Variants in SDK1 observed in about 807,000 individuals in gnomAD.
SDK1 encodes the protein sidekick cell adhesion molecule 1.
SDK1 carries 157 observed loss-of-function variants against 245.5 expected under a neutral mutation model. The ratio of observed to expected loss-of-function variants is 0.64; its 90% confidence interval spans 0.56 to 0.73. The LOEUF (loss-of-function observed/expected upper bound fraction) is 0.73. SDK1 is among the 30% of genes least tolerant of loss of function. The pLI is 0.00. For missense variants in SDK1, 3,583 were observed against 3,002.3 expected (o/e 1.19, Z -4.52); for synonymous variants, 1,647 against 1,278.5 (o/e 1.29, Z -6.15).
intron 5 of SDK1, among the ~76,000 whole-genome samples, chr7:3,913,069 G>A (rs905782743): frequency 2.6e-5 from 4 of 152,252 alleles, no homozygotes; most frequent in Middle Eastern, 3.4e-3. Flanking sequence ...TAATGACAGG[G>A]AAAACAGTTA....
At chr7:3,797,916 A>G (rs1182173019) in intron 4 of SDK1, among the ~76,000 whole-genome samples, 5 of 152,170 alleles carry the variant, frequency 3.3e-5, no homozygotes, top group African/African-American at 1.2e-4. Context: ...GATCATTCAA[A>G]TCACTTTTTT....
chr7:3,859,002 A>G (rs910257919), intron 5 of SDK1, among the ~76,000 whole-genome samples: 2 of 150,766 alleles, frequency 1.3e-5, no homozygotes, highest in East Asian at 3.9e-4. Flanking sequence ...AGCTGGGACC[A>G]CAGGCGCCCG....
chr7:4,037,589 C>G (rs1437302568), intron 17 of SDK1, among the ~76,000 whole-genome samples: 1 of 152,168 alleles, frequency 6.6e-6, no homozygotes, highest in Admixed American at 6.5e-5. Flanking sequence ...CATTGCATCC[C>G]AGCTTGGGCG....
intron 1 of SDK1, among the ~76,000 whole-genome samples, chr7:3,485,630 G>A (rs929838091): frequency 3.5e-5 from 4 of 115,858 alleles, no homozygotes; most frequent in Non-Finnish European, 7.0e-5. Flanking sequence ...ATGCTTTCTT[G>A]TATGGATAGT....
intron 4 of SDK1, among the ~76,000 whole-genome samples, chr7:3,792,483 C>G (rs566571056): frequency 1.9e-4 from 29 of 152,354 alleles, no homozygotes; most frequent in African/African-American, 6.7e-4. Context: ...GCAGACCCAG[C>G]AGAAAACTAA....
chr7:3,661,420 C>G (rs573365150), intron 4 of SDK1, among the ~76,000 whole-genome samples: 1 of 152,312 alleles, frequency 6.6e-6, no homozygotes, highest in South Asian at 2.1e-4. Flanking sequence ...TGGCTTATCT[C>G]TGATCCTCTG....
chr7:3,744,309 C>G (rs1048256045), intron 4 of SDK1, among the ~76,000 whole-genome samples: 2 of 152,086 alleles, frequency 1.3e-5, no homozygotes, highest in African/African-American at 2.4e-5. Context: ...GTATCACTAC[C>G]TTTCTTTCCA....
In SDK1 at chr7:3,414,676, A is replaced by G. The variant is rs150434848; in HGVS notation, c.298+112792A>G. Among the ~76,000 whole-genome samples the G allele has an allele frequency of 7.2e-5, 11 of 152,308 alleles. No individual in the cohort carries two copies. In the East Asian group the frequency reaches 2.1e-3, roughly 29 times the overall value. ...ATCGTAAGGTTGTTCAACCATCACC[A>G]CTATCTTGACTGCAGAACATTTTTA... is the stretch of plus-strand genomic sequence containing the variant. On this transcript the variant is annotated intron_variant, in intron 1 of 44. Transcript: ENST00000404826.
At chr7:3,997,855 C>T (rs1038084413) in intron 14 of SDK1, among the ~76,000 whole-genome samples, 3 of 152,194 alleles carry the variant, frequency 2.0e-5, no homozygotes, top group African/African-American at 7.2e-5. Flanking sequence ...CTCCTGCTGC[C>T]ATTCATGGCA....
intron 4 of SDK1, among the ~76,000 whole-genome samples, chr7:3,683,930 C>G (rs73300288): frequency 0.015 from 2,268 of 152,298 alleles, 58 homozygotes; most frequent in African/African-American, 0.051. Flanking sequence ...CACTCCTGTC[C>G]CAATGCAGCC....
At chr7:3,762,220 C>CCTCCTATGGGACATTCTGGGT (rs1349685722) in intron 4 of SDK1, among the ~76,000 whole-genome samples, 4 of 152,290 alleles carry the variant, frequency 2.6e-5, no homozygotes, top group Admixed American at 6.5e-5. Context: ...GGAAGCAGTA[C>CCTCCTATGGGACATTCTGGGT]CTCCTATGGG....
chr7:4,084,608 C>A (rs1388074038), intron 22 of SDK1, among the ~76,000 whole-genome samples: 1 of 152,022 alleles, frequency 6.6e-6, no homozygotes, highest in Non-Finnish European at 1.5e-5. Flanking sequence ...TCTGAAGCAT[C>A]ATGAGTTCAT....
chr7:3,347,667 A>G (rs1780545049), intron 1 of SDK1, among the ~76,000 whole-genome samples: 1 of 152,126 alleles, frequency 6.6e-6, no homozygotes, highest in Non-Finnish European at 1.5e-5. Flanking sequence ...TTATATTCCT[A>G]AGTGGCTTTA....
In SDK1 at chr7:4,155,532, A is replaced by G. The variant is rs569497999; in HGVS notation, c.4626-2916A>G. Among the ~76,000 whole-genome samples the G allele has an allele frequency of 3.3e-5, 5 of 152,376 alleles. No homozygotes were observed. The South Asian group carries it at 1.0e-3, about 32-fold the overall frequency. On this transcript the variant is annotated intron_variant, in intron 30 of 44. Coordinates refer to ENST00000404826, the MANE Select transcript of SDK1 (RefSeq NM_152744.4). Reference sequence around the variant, plus strand: ...CCCAAATCATAGCAAAGTGTGAAGTACTAAACAGTGGAGTGCTGAGTATAA... The same window carrying G: ...CCCAAATCATAGCAAAGTGTGAAGTGCTAAACAGTGGAGTGCTGAGTATAA...
intron 4 of SDK1, among the ~76,000 whole-genome samples, chr7:3,708,854 C>T (rs994763541): frequency 7.9e-5 from 12 of 152,322 alleles, no homozygotes; most frequent in African/African-American, 2.6e-4. Flanking sequence ...ATCTATTCTG[C>T]CCATGTGTAT....
At chr7:3,481,738 T>G (rs1013331093) in intron 1 of SDK1, among the ~76,000 whole-genome samples, 1 of 152,234 alleles carries the variant, frequency 6.6e-6, no homozygotes. Context: ...CTCTTATGCC[T>G]TAAGGCCTAG....
intron 35 of SDK1, among the ~76,000 whole-genome samples, chr7:4,186,463 G>T (rs531460826): frequency 6.6e-6 from 1 of 152,340 alleles, no homozygotes; most frequent in Non-Finnish European, 1.5e-5. Flanking sequence ...AAGAGGTGCT[G>T]TGTCCCCACA....
chr7:3,733,973 A>G (rs374570096), intron 4 of SDK1, among the ~76,000 whole-genome samples: 4 of 152,304 alleles, frequency 2.6e-5, no homozygotes, highest in Non-Finnish European at 2.9e-5. Flanking sequence ...AAAGGCTCCC[A>G]AGATGATTCA....
intron 4 of SDK1, among the ~76,000 whole-genome samples, chr7:3,644,785 AAAAAAAAC>A (rs1404507926): frequency 1.4e-5 from 2 of 141,562 alleles, no homozygotes; most frequent in Admixed American, 7.3e-5. Context: ...AAAAAAAAAA[AAAAAAAAC>A]AAAAAACAAC....
Sources: allele counts gnomAD v4.1 joint callset (sites outside exome capture counted in the v4.1 genomes callset), GRCh38; gene constraint gnomAD v4.1.1; transcripts MANE v1.5; gene names NCBI Gene and HGNC (gene_info 2026-07-23, HGNC 2026-07-21).